The following TMEM143 variants were observed in gnomAD, a reference collection of about 807,000 sequenced individuals.
TMEM143 encodes transmembrane protein 143.
Under a neutral mutation model 40.3 loss-of-function variants are expected in TMEM143, and 45 were observed. That is an observed-to-expected ratio of 1.12 (90% CI 0.88 to 1.43). The LOEUF (loss-of-function observed/expected upper bound fraction) is 1.43. TMEM143 is among the 40% of genes most tolerant of loss of function. The pLI is 0.00. For missense variants in TMEM143, 620 were observed against 613.4 expected (o/e 1.01, Z -0.11); for synonymous variants, 299 against 282.7 (o/e 1.06, Z -0.58).
intron 3 of TMEM143, among the ~76,000 whole-genome samples, chr19:48,355,553 A>C (rs1969870107): frequency 6.6e-6 from 1 of 152,176 alleles, no homozygotes; most frequent in East Asian, 1.9e-4. Flanking sequence ...GGAAGGAGTC[A>C]ATAAGCCAGA....
At position 48,363,430 on chromosome 19, in the gene TMEM143, C is replaced by A. The variant is rs766724476; in HGVS notation, c.125G>T (p.Arg42Leu). ...TTTGGCTGCCAGCGATGAGAGGGCC[C>A]GGGGGGGCCCGAGGAGCGCGGGCAA... is the stretch of plus-strand genomic sequence containing the variant. ...PLLPALLGPPRALSSLAAKMG... is the reference protein window; with the variant it reads ...PLLPALLGPPLALSSLAAKMG... Residue 42 changes from arginine (R) to leucine (L), a missense_variant, in exon 2 of 8, where the codon CGG becomes CTG. Transcript: ENST00000293261. The A allele has an allele frequency of 6.2e-7, 1 of 1,613,742 alleles. No homozygotes were observed. The highest frequency in any genetic ancestry group is 1.1e-5 in the South Asian group (1 of 91,074).
At chr19:48,359,303 A>G (rs1969978723) in intron 3 of TMEM143, among the ~76,000 whole-genome samples, 1 of 150,882 alleles carries the variant, frequency 6.6e-6, no homozygotes, top group Non-Finnish European at 1.5e-5. Flanking sequence ...CTGCAGCCAC[A>G]GTGGCCTCCT....
intron 5 of TMEM143, 148 bp from the exon 6 acceptor site, chr19:48,342,957 G>A (rs1969537630): frequency 2.0e-6 from 2 of 1,006,948 alleles, no homozygotes; most frequent in South Asian, 1.7e-5. Flanking sequence ...CCAGGGATCA[G>A]CTGTGTCCAA....
chr19:48,335,705 A>C (rs1420775559), intron 6 of TMEM143, among the ~76,000 whole-genome samples: 1 of 152,234 alleles, frequency 6.6e-6, no homozygotes, highest in East Asian at 1.9e-4. Context: ...CCTGGGCAAC[A>C]AGAATGAAAC....
At chr19:48,354,264 C>CTT (rs71181682) in intron 3 of TMEM143, among the ~76,000 whole-genome samples, 9 of 110,320 alleles carry the variant, frequency 8.2e-5, no homozygotes, top group East Asian at 2.7e-4. Context: ...CAGACTTTTT[C>CTT]TTTTTTTTTT....
chr19:48,339,147 C>A (rs989943917), intron 6 of TMEM143, among the ~76,000 whole-genome samples: 4 of 152,140 alleles, frequency 2.6e-5, no homozygotes, highest in African/African-American at 9.6e-5. Context: ...AAGGGACCAA[C>A]TGGAGGCTGG....
At chr19:48,340,823 C>G (rs753818917) in intron 6 of TMEM143, among the ~76,000 whole-genome samples, 115 of 152,244 alleles carry the variant, frequency 7.6e-4, no homozygotes, top group Middle Eastern at 6.8e-3. Flanking sequence ...TCACCACCCT[C>G]TGGGACTTCC....
intron 3 of TMEM143, among the ~76,000 whole-genome samples, chr19:48,348,967 G>A (rs953777873): frequency 1.3e-5 from 2 of 151,990 alleles, no homozygotes; most frequent in African/African-American, 4.8e-5. Flanking sequence ...CTTGAGCCCA[G>A]GAGTTTGAAA....
chr19:48,348,837 C>T (rs1480375055), intron 3 of TMEM143, among the ~76,000 whole-genome samples: 7 of 152,166 alleles, frequency 4.6e-5, no homozygotes, highest in Admixed American at 4.6e-4. Context: ...CCTGCAAGGC[C>T]TCACAGGACC....
At chr19:48,342,353 AAGGAC>A (rs1280814977) in intron 6 of TMEM143, among the ~76,000 whole-genome samples, 172 bp downstream of exon 6, 6 of 99,574 alleles carry the variant, frequency 6.0e-5, no homozygotes, top group Admixed American at 1.0e-4. Flanking sequence ...GGAAGGAAGG[AAGGAC>A]AGGGAGGGAA....
chr19:48,344,860 C>T (rs990265541), intron 4 of TMEM143, among the ~76,000 whole-genome samples: 15 of 152,218 alleles, frequency 9.9e-5, no homozygotes, highest in African/African-American at 3.4e-4. Flanking sequence ...GCACCTGCCA[C>T]CATGCCTGGA....
At chr19:48,343,971 C>A (rs1969567585) in intron 4 of TMEM143, among the ~76,000 whole-genome samples, 1 of 151,808 alleles carries the variant, frequency 6.6e-6, no homozygotes, top group Non-Finnish European at 1.5e-5. Flanking sequence ...ACTGCAGCCT[C>A]CACCTCCTGG....
intron 4 of TMEM143, among the ~76,000 whole-genome samples, chr19:48,344,143 TC>T (rs1969571359): frequency 6.6e-6 from 1 of 152,156 alleles, no homozygotes; most frequent in Non-Finnish European, 1.5e-5. Flanking sequence ...TACCTCAGCC[TC>T]CCAAAGCACT....
chr19:48,346,311 C>T (rs1334911893), intron 3 of TMEM143, among the ~76,000 whole-genome samples: 3 of 151,246 alleles, frequency 2.0e-5, no homozygotes, highest in East Asian at 2.0e-4. Context: ...AGGCTGGACT[C>T]GAATTCCTGA....
At chr19:48,339,760 G>A (rs561555703) in intron 6 of TMEM143, among the ~76,000 whole-genome samples, 3 of 152,042 alleles carry the variant, frequency 2.0e-5, no homozygotes, top group Admixed American at 6.6e-5. Flanking sequence ...TGGGAGTCTC[G>A]CTCTGTCACC....
At chr19:48,340,543 G>C (rs1424028505) in intron 6 of TMEM143, among the ~76,000 whole-genome samples, 1 of 152,116 alleles carries the variant, frequency 6.6e-6, no homozygotes, top group Non-Finnish European at 1.5e-5. Context: ...AGGACTACAG[G>C]CATGTGCCAC....
chr19:48,340,599 G>C (rs2147361191), intron 6 of TMEM143, among the ~76,000 whole-genome samples: 1 of 152,208 alleles, frequency 6.6e-6, no homozygotes, highest in South Asian at 2.1e-4. Context: ...TTCAGAGCCT[G>C]ACAGGCTCCA....
chr19:48,355,484 G>A (rs937884421), intron 3 of TMEM143, among the ~76,000 whole-genome samples: 2 of 152,146 alleles, frequency 1.3e-5, no homozygotes, highest in Non-Finnish European at 2.9e-5. Flanking sequence ...CGGGCCCTCT[G>A]AGACATTCAG....
intron 3 of TMEM143, among the ~76,000 whole-genome samples, chr19:48,350,706 G>C (rs957811358): frequency 6.6e-6 from 1 of 152,014 alleles, no homozygotes; most frequent in Non-Finnish European, 1.5e-5. Context: ...CGGATCATTT[G>C]AGGTCAAGAG....
Sources: allele counts gnomAD v4.1 joint callset (sites outside exome capture counted in the v4.1 genomes callset), GRCh38; gene constraint gnomAD v4.1.1; transcripts MANE v1.5; gene names NCBI Gene and HGNC (gene_info 2026-07-23, HGNC 2026-07-21).